ZXDC: variants seen among roughly 807,000 people sequenced by gnomAD.
The protein encoded by ZXDC is ZXD family zinc finger C.
A neutral mutation model predicts 63.6 loss-of-function variants in ZXDC; 58 were observed. That is an observed-to-expected ratio of 0.91 (90% CI 0.74 to 1.13). The LOEUF (loss-of-function observed/expected upper bound fraction) is 1.13. ZXDC is among the 50% of genes most tolerant of loss of function. The pLI is 0.00. For synonymous variants in ZXDC, 561 were observed against 496.1 expected (o/e 1.13, Z -1.74); for missense variants, 1,133 against 1,148.9 (o/e 0.99, Z 0.20).
intron 8 of ZXDC, chr3:126,441,307 C>G: frequency 1.0e-6 from 1 of 995,290 alleles, no homozygotes; most frequent in Non-Finnish European, 1.2e-6. Flanking sequence ...CCACCACCTT[C>G]AGCATAGAAA....
chr3:126,438,280 G>T lies in ZXDC; in HGVS notation c.*95C>A. On this transcript the variant is annotated 3_prime_UTR_variant, in exon 10 of 10. Transcript: ENST00000389709. ...AAGGGCTACGCTGGTCTTCTGAACG[G>T]AAACCAAATGAGGTCTCCCCAGGCT... The T allele has an allele frequency of 9.3e-7, 1 of 1,077,442 alleles. No homozygotes were observed. The highest frequency in any genetic ancestry group is 1.4e-6 in the Non-Finnish European group (1 of 716,892). The allele number at this position is 1,077,442 out of a possible 1,614,324, so 66.7% of individuals were successfully genotyped here.
intron 7 of ZXDC, among the ~76,000 whole-genome samples, chr3:126,456,332 T>C (rs1354154018): frequency 6.6e-6 from 1 of 152,244 alleles, no homozygotes; most frequent in African/African-American, 2.4e-5. Context: ...CTGGGCCACT[T>C]CCACAGTCTG....
chr3:126,460,494 C>T, intron 6 of ZXDC: 1 of 983,164 alleles, frequency 1.0e-6, no homozygotes, highest in Non-Finnish European at 1.2e-6. Context: ...TTCTCTACCT[C>T]CACCCACAGC....
At chr3:126,453,913 A>G (rs1331099204) in intron 7 of ZXDC, 1 of 985,006 alleles carries the variant, frequency 1.0e-6, no homozygotes, top group Non-Finnish European at 1.2e-6. Context: ...TTTGTTTTCC[A>G]AGTAATTTTT....
In ZXDC at chr3:126,475,719, G is replaced by A; in HGVS notation, c.147C>T (p.Gly49=). Residue 49 remains glycine (G), a synonymous_variant, in exon 1 of 10, where the codon GGC becomes GGT. Transcript: ENST00000389709. ...CCTCCCCGGGCCGCGCCCCGGGCCC[G>A]CCATCTTCAGGGCCCCGCACCAGTA... The part of the protein sequence containing the change: ...RLLLVRGPED[G]GPGARPGEAS... The A allele has an allele frequency of 1.6e-6, 2 of 1,266,450 alleles. No homozygotes were observed. Among genetic ancestry groups the A allele is most frequent in the Admixed American group, 4.3e-5 (1 of 23,414 alleles). The allele number at this position is 1,266,450 out of a possible 1,614,324, so 78.5% of individuals were successfully genotyped here.
In ZXDC at chr3:126,460,452, G is replaced by A; in HGVS notation, c.2128-715C>T. 4.1e-6 allele frequency: 4 copies of A among 984,748 alleles called. No individual in the cohort carries two copies. In the South Asian group the frequency reaches 1.4e-4, roughly 35 times the overall value. 61.0% of individuals were successfully genotyped at this position (984,748 alleles called of 1,614,324 possible). A position where few individuals can be genotyped will look rare whatever the true frequency, so the allele number is the denominator to read the frequency against. ...AACGTCACACAGCTAGCAAGAAAAT[G>A]AACACGGGGTTAAGACCAAGGTCTT... is the stretch of plus-strand genomic sequence containing the variant. On this transcript the variant is annotated intron_variant, in intron 6 of 9. Transcript: ENST00000389709.
intron 7 of ZXDC, chr3:126,450,177 G>T: frequency 2.7e-6 from 1 of 373,262 alleles, no homozygotes; most frequent in Non-Finnish European, 5.3e-6. Flanking sequence ...CAACAGGAAA[G>T]GCCCCTCCAC....
chr3:126,467,349 T>C (rs572303787), intron 4 of ZXDC, among the ~76,000 whole-genome samples: 1 of 152,330 alleles, frequency 6.6e-6, no homozygotes, highest in Admixed American at 6.5e-5. Flanking sequence ...GTCTCCTTTT[T>C]CTGTTCTGTG....
chr3:126,452,619 A>T, intron 7 of ZXDC: 3 of 953,208 alleles, frequency 3.1e-6, no homozygotes, highest in Non-Finnish European at 3.7e-6. Flanking sequence ...ATCATTCTCA[A>T]GCTATCTGAT....
chr3:126,463,310 C>T (rs915306022), intron 5 of ZXDC, among the ~76,000 whole-genome samples: 2 of 152,126 alleles, frequency 1.3e-5, no homozygotes, highest in African/African-American at 4.8e-5. Flanking sequence ...ACCTCGTGAT[C>T]GGCCCGCCTG....
rs184209882 is a variant in ZXDC at position 126,459,933 on chromosome 3, T to C, written c.2128-196A>G. ...CCGAACAAACTTGGAGCTGGAACAA[T>C]GTATGTGACTTTCTTATCCAGAGAA... On this transcript the variant is annotated intron_variant, in intron 6 of 9. Transcript: ENST00000389709. 6.2e-5 allele frequency: 61 copies of C among 985,494 alleles called. No individual in the cohort carries two copies. In the African/African-American group the frequency reaches 1.0e-3, roughly 17 times the overall value. The allele number at this position is 985,494 out of a possible 1,614,324, so 61.0% of individuals were successfully genotyped here. A position where few individuals can be genotyped will look rare whatever the true frequency, so the allele number is the denominator to read the frequency against.
At chr3:126,458,237 CTTTTT>C (rs11289191) in intron 7 of ZXDC, among the ~76,000 whole-genome samples, 2 of 116,056 alleles carry the variant, frequency 1.7e-5, no homozygotes, top group South Asian at 2.8e-4. Context: ...AATGTCCTTA[CTTTTT>C]TTTTTTTTTT....
chr3:126,456,666 G>A (rs1934318016), intron 7 of ZXDC, among the ~76,000 whole-genome samples: 1 of 152,196 alleles, frequency 6.6e-6, no homozygotes, highest in African/African-American at 2.4e-5. Context: ...GAGTACAACA[G>A]CTATCAGTGA....
intron 7 of ZXDC, among the ~76,000 whole-genome samples, chr3:126,446,371 T>C (rs555876963): frequency 3.9e-5 from 6 of 152,202 alleles, no homozygotes; most frequent in Non-Finnish European, 8.8e-5. Context: ...GCTCCCATCA[T>C]CTGCGGTGAA....
At chr3:126,441,525 T>C (rs1933676238) in intron 8 of ZXDC, 1 of 1,283,224 alleles carries the variant, frequency 7.8e-7, no homozygotes, top group Non-Finnish European at 9.8e-7. Context: ...GTTCAGGAAG[T>C]GGATGCACGG....
At chr3:126,473,199 G>C (rs1228500541) in intron 1 of ZXDC, among the ~76,000 whole-genome samples, 2 of 152,126 alleles carry the variant, frequency 1.3e-5, no homozygotes, top group Non-Finnish European at 2.9e-5. Context: ...GCTTCGGTGT[G>C]TTCACACACT....
chr3:126,450,190 C>A (rs1349136221), intron 7 of ZXDC: 1 of 383,262 alleles, frequency 2.6e-6, no homozygotes, highest in Non-Finnish European at 5.2e-6. Flanking sequence ...CCCTCCACAG[C>A]TGCTCACAGG....
chr3:126,472,524 T>C (rs1276353003), intron 1 of ZXDC, among the ~76,000 whole-genome samples: 1 of 152,158 alleles, frequency 6.6e-6, no homozygotes, highest in Non-Finnish European at 1.5e-5. Flanking sequence ...TGGCCACCTG[T>C]TGCAACATGA....
rs149682127 is a variant in ZXDC, at chr3:126,467,279, G to A, written c.1271-954C>T. ...GCAGCAGTGCAGGCACCCCAGCCTG[G>A]GTTCCAGTTCAGCCTCTTACCAGCA... is the stretch of plus-strand genomic sequence containing the variant. On this transcript the variant is annotated intron_variant, in intron 4 of 9. Coordinates refer to ENST00000389709, the MANE Select transcript of ZXDC (RefSeq NM_025112.5). 4.8e-4 allele frequency among the ~76,000 whole-genome samples: 73 copies of A among 152,056 alleles called. 1 individual carries two copies. The highest frequency in any genetic ancestry group is 1.7e-3 in the African/African-American group (70 of 41,498).
Sources: allele counts gnomAD v4.1 joint callset (sites outside exome capture counted in the v4.1 genomes callset), GRCh38; gene constraint gnomAD v4.1.1; transcripts MANE v1.5; gene names NCBI Gene and HGNC (gene_info 2026-07-23, HGNC 2026-07-21).